PIKFYVE: variants seen among roughly 807,000 people sequenced by gnomAD.
PIKFYVE encodes 1-phosphatidylinositol 3-phosphate 5-kinase.
In PIKFYVE, 122 loss-of-function variants were observed where a neutral mutation model predicts 257.9. The ratio of observed to expected loss-of-function variants is 0.47; its 90% CI spans 0.41 to 0.55. The LOEUF is 0.55. Among genes scored for constraint, PIKFYVE ranks in the 20% least tolerant of loss-of-function variants. The pLI is 0.00. For synonymous variants in PIKFYVE, 892 were observed against 868.9 expected, an observed-to-expected ratio of 1.03 and a Z score of -0.47; for missense variants, 2,160 against 2,536.6, an observed-to-expected ratio of 0.85 and a Z score of 3.19.
chr2:208,304,887 C>T lies in PIKFYVE; in HGVS notation c.1510C>T (p.Gln504Ter), dbSNP rs1291587960. 4 of 1,614,048 alleles carry T rather than the reference C, an allele frequency of 2.5e-6. No individual in the cohort carries two copies. The African/African-American group carries it at 5.3e-5, about 22-fold the overall frequency. Residue 504 changes from glutamine (Q) to a stop codon, truncating the protein, a stop_gained, in exon 12 of 42, where the codon CAG becomes TAG. Transcript: ENST00000264380. LOFTEE classifies it high-confidence loss of function. Reference sequence around the variant, plus strand: ...CAAGCGCACATCAGTCAGCAGTTTCCAGTCCACAGTGGACAGTGACTCAGC... The same window carrying T: ...CAAGCGCACATCAGTCAGCAGTTTCTAGTCCACAGTGGACAGTGACTCAGC... The part of the protein sequence containing the change: ...PSKRTSVSSF[Q>*]STVDSDSAAS...
intron 39 of PIKFYVE, among the ~76,000 whole-genome samples, chr2:208,353,165 A>C (rs1699922791): frequency 6.6e-6 from 1 of 152,220 alleles, no homozygotes; most frequent in African/African-American, 2.4e-5. Context: ...TCAAAGAGCT[A>C]GTCCTTGAAC....
intron 1 of PIKFYVE, chr2:208,269,208 T>C (rs1240748462): frequency 6.6e-6 from 1 of 152,196 alleles, no homozygotes; most frequent in Non-Finnish European, 1.5e-5. Context: ...TTATAAACTA[T>C]AGTATATATA....
chr2:208,287,112 A>G (rs1487120120), intron 6 of PIKFYVE, among the ~76,000 whole-genome samples: 1 of 152,046 alleles, frequency 6.6e-6, no homozygotes, highest in Non-Finnish European at 1.5e-5. Context: ...AAAAATTTAA[A>G]AATACACAAA....
intron 8 of PIKFYVE, 122 bp from the exon 9 acceptor site, chr2:208,300,815 A>G: frequency 8.6e-7 from 1 of 1,157,442 alleles, no homozygotes; most frequent in East Asian, 2.4e-5. Flanking sequence ...TGTGTGAGTT[A>G]GCTACCATAA....
chr2:208,300,350 A>AT (rs1178564759), intron 8 of PIKFYVE, among the ~76,000 whole-genome samples: 5 of 152,138 alleles, frequency 3.3e-5, no homozygotes, highest in Non-Finnish European at 5.9e-5. Context: ...CAGAAGTAGG[A>AT]TTTTTTAATT....
chr2:208,355,085 G>A, intron 41 of PIKFYVE, 105 bp from the exon 42 acceptor site: 2 of 868,546 alleles, frequency 2.3e-6, no homozygotes, highest in Non-Finnish European at 1.9e-6. Flanking sequence ...GCTTCTGCAT[G>A]TGTATCTTTA....
intron 23 of PIKFYVE, 77 bp from the exon 24 acceptor site, chr2:208,333,238 A>C: frequency 6.6e-7 from 1 of 1,511,274 alleles, no homozygotes; most frequent in Non-Finnish European, 9.0e-7. Context: ...CATCTCAAAA[A>C]AAAAAAAGAA....
At position 208,328,168 on chromosome 2, in the gene PIKFYVE, C is replaced by A; in HGVS notation, c.3619-12C>A. The A allele has an allele frequency of 6.2e-7, 1 of 1,613,486 alleles. No individual in the cohort carries two copies. The stretch of plus-strand genomic sequence containing the variant: ...CAGTCACTTGCTCATCCATTCATTC[C>A]TTCTATTTCAGGTGGACTGTCTGAA... On this transcript the variant is annotated splice_polypyrimidine_tract_variant and intron_variant, in intron 20 of 41. Transcript: ENST00000264380.
rs777721755 is a variant in PIKFYVE, at chr2:208,301,128, GT to G, written c.1208+37del. The stretch of plus-strand genomic sequence containing the variant: ...ATCTTAGAAGGTTTCAATATTATTT[GT>G]TTATTTTGAATGAGAAAACATATTT... On this transcript the variant is annotated intron_variant, in intron 9 of 41. Transcript: ENST00000264380. The G allele has an allele frequency of 4.4e-6, 7 of 1,608,288 alleles. No homozygotes were observed. The East Asian group carries it at 1.3e-4, about 31-fold the overall frequency.
chr2:208,324,913 A>G lies in PIKFYVE; in HGVS notation c.2334A>G (p.Gln778=), dbSNP rs151002290. 6.2e-6 allele frequency: 10 copies of G among 1,613,822 alleles called. No homozygotes were observed. In the African/African-American group the frequency reaches 1.1e-4, roughly 17 times the overall value. The change falls in exon 19 of 42, where the codon CAA becomes CAG. Residue 778 remains glutamine, a splice_region_variant and synonymous_variant. Coordinates refer to ENST00000264380, the MANE Select transcript of PIKFYVE (RefSeq NM_015040.4). ...TACAATGTTTTTCTGTTTTGTAGCA[A>G]GTTTTGGAACGAATCAGTCGAATGA... The part of the protein sequence containing the change: ...GITLVINVKS[Q]VLERISRMTQ...
At chr2:208,282,450 A>C (rs1041008675) in intron 5 of PIKFYVE, among the ~76,000 whole-genome samples, 3 of 152,246 alleles carry the variant, frequency 2.0e-5, no homozygotes, top group Admixed American at 6.5e-5. Flanking sequence ...ACAATTGGTC[A>C]AGTTATTTTG....
upstream of PIKFYVE, chr2:208,266,211 T>G (rs773394379): frequency 4.1e-5 from 6 of 147,512 alleles, 1 homozygote; most frequent in South Asian, 2.2e-4. Context: ...GATTTCGGAC[T>G]GGGGGACAGG....
At chr2:208,286,812 C>G (rs1234758279) in intron 6 of PIKFYVE, among the ~76,000 whole-genome samples, 2 of 152,006 alleles carry the variant, frequency 1.3e-5, no homozygotes, top group African/African-American at 4.8e-5. Context: ...GAGCCACTCA[C>G]TGCACCTGGC....
chr2:208,268,793 T>TC (rs528759897), intron 1 of PIKFYVE, among the ~76,000 whole-genome samples: 109 of 150,840 alleles, frequency 7.2e-4, no homozygotes, highest in East Asian at 1.2e-3. Context: ...CTCTTTTTCT[T>TC]CCCCCCCCAA....
Position 208,326,149 on chromosome 2 carries a change from T to C in PIKFYVE, c.3338T>C (p.Leu1113Pro). 1 of 1,614,096 alleles carries C rather than the reference T, an allele frequency of 6.2e-7. No homozygotes were observed. The highest frequency in any genetic ancestry group is 2.2e-5 in the East Asian group (1 of 44,878). The change falls in exon 20 of 42, where the codon CTT becomes CCT. Residue 1113 changes from leucine to proline, a missense_variant. Leu to Pro is a moderately conservative substitution (Grantham distance 98). This residue lies in a region of PIKFYVE where 522 missense variants were observed against 514.6 expected (regional missense o/e 1.01). Transcript: ENST00000264380. Reference protein sequence around the residue: ...KKQLLRDLSGLQGMNGSIQAK... With the variant: ...KKQLLRDLSGPQGMNGSIQAK... ...CAGCTGCTCAGGGATCTCTCTGGAC[T>C]TCAGGGCATGAATGGAAGTATTCAG...
intron 32 of PIKFYVE, among the ~76,000 whole-genome samples, chr2:208,344,102 G>A (rs1574730971): frequency 6.6e-6 from 1 of 152,082 alleles, no homozygotes; most frequent in South Asian, 2.1e-4. Flanking sequence ...ACAGGCGTGA[G>A]CCACCGCACC....
intron 16 of PIKFYVE, among the ~76,000 whole-genome samples, chr2:208,319,886 G>A (rs189255666): frequency 3.3e-5 from 5 of 151,966 alleles, no homozygotes; most frequent in Admixed American, 3.3e-4. Context: ...TGCTTTTAAA[G>A]TTGCTTATTT....
At chr2:208,305,046 C>T (rs1254990901) in intron 12 of PIKFYVE, 33 bp downstream of exon 12, 17 of 1,613,290 alleles carry the variant, frequency 1.1e-5, no homozygotes, top group Non-Finnish European at 1.4e-5. Context: ...AATCCAAACA[C>T]AGGCTGGACA....
intron 22 of PIKFYVE, 125 bp from the exon 23 acceptor site, chr2:208,330,398 C>A: frequency 9.1e-7 from 1 of 1,101,596 alleles, no homozygotes; most frequent in Non-Finnish European, 1.4e-6. Context: ...AGACGATGTT[C>A]AGCTGCAGGC....
Sources: gnomAD v4.1 joint callset for allele counts (sites outside exome capture counted in the v4.1 genomes callset) on GRCh38, gnomAD v4.1.1 for gene constraint, gnomAD v4.1.1 regional missense constraint, MANE v1.5 for transcripts, NCBI Gene and HGNC (gene_info 2026-07-23, HGNC 2026-07-21) for gene names.